The following ERLIN1 variants were observed in gnomAD, a reference collection of about 807,000 sequenced individuals.
ERLIN1 encodes the protein erlin-1.
Under a neutral mutation model 46.9 loss-of-function variants are expected in ERLIN1, and 24 were observed. That is an observed-to-expected ratio of 0.51 (90% CI 0.37 to 0.72). ERLIN1 has a LOEUF of 0.72. ERLIN1 is among the 30% of genes least tolerant of loss of function. ERLIN1 has a pLI of 0.00. For synonymous variants in ERLIN1, 158 were observed against 143.2 expected (o/e 1.10, Z -0.74); for missense variants, 293 against 417.9 (o/e 0.70, Z 2.61).
intron 10 of ERLIN1, among the ~76,000 whole-genome samples, 160 bp downstream of exon 10, chr10:100,154,700 T>C (rs181024281): frequency 1.3e-5 from 2 of 152,344 alleles, no homozygotes; most frequent in Non-Finnish European, 2.9e-5. Context: ...ACCCAATCAA[T>C]GTGAAATATT....
chr10:100,172,432 T>C (rs1344850810), intron 6 of ERLIN1, among the ~76,000 whole-genome samples: 1 of 152,136 alleles, frequency 6.6e-6, no homozygotes, highest in African/African-American at 2.4e-5. Flanking sequence ...TTCTACAACA[T>C]AAATAACGTG....
In ERLIN1 at chr10:100,150,826, A is replaced by G. The variant is rs554166425; in HGVS notation, c.*1305T>C. On this transcript the variant is annotated 3_prime_UTR_variant, in exon 11 of 11. Transcript: ENST00000421367. ...CTCCAGAAAAGTTAAACTGAAGGAA[A>G]AAAAGGGTCCACATGAAGTAGGTCT... 6.6e-6 allele frequency: 1 copy of G among 152,278 alleles called. No homozygotes were observed. The highest frequency in any genetic ancestry group is 1.5e-5 in the Non-Finnish European group (1 of 68,048). The allele number at this position is 152,278 out of a possible 1,614,324, so 9.4% of individuals were successfully genotyped here.
rs1589501826 is a variant in ERLIN1 at position 100,150,834 on chromosome 10, T to A, written c.*1297A>T. 2 of 152,278 alleles carry A rather than the reference T, an allele frequency of 1.3e-5. No individual in the cohort carries two copies. Among genetic ancestry groups the A allele is most frequent in the African/African-American group, 4.8e-5 (2 of 41,536 alleles). 9.4% of individuals were successfully genotyped at this position (152,278 alleles called of 1,614,324 possible). On this transcript the variant is annotated 3_prime_UTR_variant, in exon 11 of 11. Coordinates refer to ENST00000421367, the MANE Select transcript of ERLIN1 (RefSeq NM_006459.4). ...AAGTTAAACTGAAGGAAAAAAAGGG[T>A]CCACATGAAGTAGGTCTCCTAATGC...
At chr10:100,185,305 G>C (rs1268619909) in intron 1 of ERLIN1, among the ~76,000 whole-genome samples, 1 of 152,116 alleles carries the variant, frequency 6.6e-6, no homozygotes, top group Non-Finnish European at 1.5e-5. Flanking sequence ...ACCGTAGGGA[G>C]ACTTAATCTC....
At chr10:100,172,442 G>GT (rs1487977055) in intron 6 of ERLIN1, among the ~76,000 whole-genome samples, 1 of 151,758 alleles carries the variant, frequency 6.6e-6, no homozygotes, top group Non-Finnish European at 1.5e-5. Flanking sequence ...TAAATAACGT[G>GT]TGTGTATAAA....
At chr10:100,185,016 T>G (rs770276196) in intron 1 of ERLIN1, among the ~76,000 whole-genome samples, 1 of 151,962 alleles carries the variant, frequency 6.6e-6, no homozygotes, top group Non-Finnish European at 1.5e-5. Flanking sequence ...GGGAGGAGCA[T>G]GGCCCATCAG....
At chr10:100,175,685 A>C (rs1378066191) in intron 5 of ERLIN1, among the ~76,000 whole-genome samples, 1 of 152,220 alleles carries the variant, frequency 6.6e-6, no homozygotes, top group Admixed American at 6.5e-5. Context: ...CAAATTATCT[A>C]TTAAAACATC....
At chr10:100,158,188 C>G (rs1196133418) in intron 8 of ERLIN1, among the ~76,000 whole-genome samples, 2 of 152,144 alleles carry the variant, frequency 1.3e-5, no homozygotes, top group African/African-American at 2.4e-5. Context: ...GGCTGCAACT[C>G]TAATGAAAGG....
In ERLIN1 at chr10:100,164,110, GT is replaced by G; in HGVS notation, c.564-16del. The G allele has an allele frequency of 6.4e-7, 1 of 1,568,516 alleles. No homozygotes were observed. Among genetic ancestry groups the G allele is most frequent in the Non-Finnish European group, 8.8e-7 (1 of 1,141,928 alleles). On this transcript the variant is annotated splice_polypyrimidine_tract_variant and intron_variant, in intron 7 of 10. Transcript: ENST00000421367. ...TCTCAGCCTCCCTGTGAAGCAAAATGTTATAAAAATTAGAAATGATTCTCCT... is the reference window on the plus strand; with the variant it reads ...TCTCAGCCTCCCTGTGAAGCAAAATGTATAAAAATTAGAAATGATTCTCCT...
intron 10 of ERLIN1, among the ~76,000 whole-genome samples, chr10:100,153,350 T>C (rs1842907710): frequency 6.6e-6 from 1 of 152,148 alleles, no homozygotes; most frequent in South Asian, 2.1e-4. Flanking sequence ...TGTCACACTG[T>C]TTTGTTTTGT....
intron 8 of ERLIN1, among the ~76,000 whole-genome samples, chr10:100,158,845 A>G (rs1038774580): frequency 6.6e-6 from 1 of 152,202 alleles, no homozygotes; most frequent in African/African-American, 2.4e-5. Flanking sequence ...AAAGAAAAGA[A>G]AATTCAATCA....
intron 1 of ERLIN1, 71 bp from the exon 2 acceptor site, chr10:100,183,908 A>G (rs1013762514): frequency 3.7e-6 from 4 of 1,093,904 alleles, no homozygotes; most frequent in African/African-American, 1.6e-5. Flanking sequence ...AAAATGCTAT[A>G]ATAAATACTC....
chr10:100,179,575 G>C (rs1490473500), intron 2 of ERLIN1, among the ~76,000 whole-genome samples: 1 of 151,890 alleles, frequency 6.6e-6, no homozygotes, highest in Non-Finnish European at 1.5e-5. Flanking sequence ...TTGTGCCCCA[G>C]CCTCCCAAGT....
chr10:100,151,776 A>T lies in ERLIN1; in HGVS notation c.*355T>A. 4 of 329,882 alleles carry T rather than the reference A, an allele frequency of 1.2e-5. No homozygotes were observed. Among genetic ancestry groups the T allele is most frequent in the South Asian group, 7.9e-5 (3 of 38,082 alleles). The allele number at this position is 329,882 out of a possible 1,614,324, so 20.4% of individuals were successfully genotyped here. A position where few individuals can be genotyped will look rare whatever the true frequency, so the allele number is the denominator to read the frequency against. Reference sequence around the variant, plus strand: ...GGCTGAGCATACATTTCCCCGGGGGACGAATGTAAACATTATTCAACAGAT... The same window carrying T: ...GGCTGAGCATACATTTCCCCGGGGGTCGAATGTAAACATTATTCAACAGAT... On this transcript the variant is annotated 3_prime_UTR_variant, in exon 11 of 11. Transcript: ENST00000421367.
intron 6 of ERLIN1, among the ~76,000 whole-genome samples, chr10:100,172,378 G>A (rs1014135601): frequency 6.6e-6 from 1 of 152,118 alleles, no homozygotes; most frequent in African/African-American, 2.4e-5. Context: ...GATTACTGGT[G>A]AATTTCATTT....
At position 100,183,789 on chromosome 10, in the gene ERLIN1, CATGAT is replaced by C. The variant is rs1460190367; in HGVS notation, c.157_161del (p.Ile53ValfsTer17). 1 of 1,613,644 alleles carries C rather than the reference CATGAT, an allele frequency of 6.2e-7. No individual in the cohort carries two copies. Among genetic ancestry groups the C allele is most frequent in the Admixed American group, 1.7e-5 (1 of 60,008 alleles). ...ATCTGAACGTAGTAATGAAAGGCAA[CATGAT>C]ATGATAGCCTGGTCCACTGGGGCTA... On this transcript the variant is annotated frameshift_variant, in exon 2 of 11. Coordinates refer to ENST00000421367, the MANE Select transcript of ERLIN1 (RefSeq NM_006459.4). LOFTEE classifies it high-confidence loss of function.
At chr10:100,180,874 A>G (rs143493222) in intron 2 of ERLIN1, among the ~76,000 whole-genome samples, 1 of 152,238 alleles carries the variant, frequency 6.6e-6, no homozygotes, top group African/African-American at 2.4e-5. Context: ...CTAAATAATT[A>G]ATTTATTTAG....
intron 6 of ERLIN1, among the ~76,000 whole-genome samples, chr10:100,173,312 A>G (rs1479569995): frequency 6.6e-6 from 1 of 152,192 alleles, no homozygotes; most frequent in East Asian, 1.9e-4. Flanking sequence ...TTCTTAGGTC[A>G]TCTGGATCCA....
chr10:100,155,705 G>A (rs1329242942), intron 9 of ERLIN1, among the ~76,000 whole-genome samples: 3 of 151,928 alleles, frequency 2.0e-5, no homozygotes, highest in East Asian at 1.9e-4. Flanking sequence ...TAGTAGAGAC[G>A]GGGTTTCACC....
Sources: allele counts gnomAD v4.1 joint callset (sites outside exome capture counted in the v4.1 genomes callset), GRCh38; gene constraint gnomAD v4.1.1; transcripts MANE v1.5; gene names NCBI Gene and HGNC (gene_info 2026-07-23, HGNC 2026-07-21).